The following CACUL1 variants were observed in gnomAD, a reference collection of about 807,000 sequenced individuals.
CACUL1 encodes CDK2-associated and cullin domain-containing protein 1.
A neutral mutation model predicts 45.2 loss-of-function variants in CACUL1; 13 were observed. The observed-to-expected ratio is 0.29, with a 90% CI of 0.19 to 0.46. CACUL1 has a LOEUF of 0.46. Ranked by LOEUF, CACUL1 falls within the 20% of genes least tolerant of loss-of-function variation. The pLI is 1.00. For synonymous variants in CACUL1, 197 were observed against 174.2 expected (o/e 1.13, Z -1.03); for missense variants, 421 against 471.4 (o/e 0.89, Z 0.99).
chr10:118,709,531 C>T (rs950777911), intron 3 of CACUL1, among the ~76,000 whole-genome samples: 12 of 152,094 alleles, frequency 7.9e-5, no homozygotes, highest in South Asian at 2.1e-4. Context: ...TGTTGGGGGA[C>T]GAGCATGGTA....
chr10:118,754,834 C>G lies in CACUL1; in HGVS notation c.-72G>C. On this transcript the variant is annotated 5_prime_UTR_variant, in exon 1 of 9. Transcript: ENST00000369151. ...GTCTCAACCCCGGGCCAGCGGGCAC[C>G]GCTGCCTCCCCGAGTTACATCGCCG... is the stretch of plus-strand genomic sequence containing the variant. 2 of 1,491,660 alleles carry G rather than the reference C, an allele frequency of 1.3e-6. No individual in the cohort carries two copies. Among genetic ancestry groups the G allele is most frequent in the Non-Finnish European group, 1.8e-6 (2 of 1,122,644 alleles). 92.4% of individuals were successfully genotyped at this position (1,491,660 alleles called of 1,614,324 possible).
At chr10:118,734,911 A>C (rs577584251) in intron 1 of CACUL1, among the ~76,000 whole-genome samples, 15 of 152,270 alleles carry the variant, frequency 9.9e-5, no homozygotes, top group Non-Finnish European at 1.6e-4. Context: ...GCTGATAAAC[A>C]GGAAACCATT....
rs936270577 is a variant in CACUL1 at position 118,754,916 on chromosome 10, G to T, written c.-154C>A. On this transcript the variant is annotated 5_prime_UTR_variant, in exon 1 of 9. Transcript: ENST00000369151. ...CGGTGCGCAGGGTCTCTCGCTCTCC[G>T]CGGGGCCGACTAGCTTGAAGACGCG... 5.5e-6 allele frequency: 6 copies of T among 1,088,818 alleles called. No homozygotes were observed. The highest frequency in any genetic ancestry group is 5.0e-5 in the African/African-American group (3 of 59,938). 67.4% of individuals were successfully genotyped at this position (1,088,818 alleles called of 1,614,324 possible).
chr10:118,753,398 T>C (rs1374765445), intron 1 of CACUL1, among the ~76,000 whole-genome samples: 1 of 152,206 alleles, frequency 6.6e-6, no homozygotes, highest in African/African-American at 2.4e-5. Context: ...ATAAAATTAG[T>C]AGCTAGAAAT....
chr10:118,696,231 G>C (rs1356488748), intron 5 of CACUL1, among the ~76,000 whole-genome samples: 1 of 152,144 alleles, frequency 6.6e-6, no homozygotes, highest in African/African-American at 2.4e-5. Flanking sequence ...ACCACCAGGG[G>C]TGTCCAGTCT....
At chr10:118,737,177 T>C (rs1284833973) in intron 1 of CACUL1, among the ~76,000 whole-genome samples, 2 of 152,232 alleles carry the variant, frequency 1.3e-5, no homozygotes, top group Admixed American at 1.3e-4. Context: ...CAGGTATATT[T>C]TGATTTGCCA....
intron 3 of CACUL1, among the ~76,000 whole-genome samples, chr10:118,717,186 G>T (rs947146682): frequency 6.6e-6 from 1 of 152,172 alleles, no homozygotes; most frequent in South Asian, 2.1e-4. Context: ...CCTCTTCCAA[G>T]AAATGAGAGG....
chr10:118,742,357 A>G (rs911896210), intron 1 of CACUL1, among the ~76,000 whole-genome samples: 3 of 152,250 alleles, frequency 2.0e-5, no homozygotes, highest in Non-Finnish European at 2.9e-5. Context: ...ACAGTTTACA[A>G]TGTGAATACA....
intron 5 of CACUL1, among the ~76,000 whole-genome samples, chr10:118,696,172 T>A (rs965912701): frequency 6.6e-5 from 10 of 152,198 alleles, no homozygotes; most frequent in African/African-American, 2.4e-4. Flanking sequence ...TTCAAGTCTA[T>A]CCTTCCAATT....
chr10:118,677,864 A>T lies in CACUL1; in HGVS notation c.*8264T>A, dbSNP rs903343742. 1 of 152,236 alleles carries T rather than the reference A, an allele frequency of 6.6e-6. No homozygotes were observed. Among genetic ancestry groups the T allele is most frequent in the Non-Finnish European group, 1.5e-5 (1 of 68,042 alleles). The allele number at this position is 152,236 out of a possible 1,614,324, so 9.4% of individuals were successfully genotyped here. A position where few individuals can be genotyped will look rare whatever the true frequency, so the allele number is the denominator to read the frequency against. On this transcript the variant is annotated 3_prime_UTR_variant, in exon 9 of 9. Coordinates refer to ENST00000369151, the MANE Select transcript of CACUL1 (RefSeq NM_153810.5). ...CACATGCACATGAGTTTTTCTAAGT[A>T]TAAATAGTGGGCTATTAAGAGGTGC...
chr10:118,687,552 A>T (rs1359190005), intron 7 of CACUL1, among the ~76,000 whole-genome samples: 1 of 152,190 alleles, frequency 6.6e-6, no homozygotes, highest in Non-Finnish European at 1.5e-5. Context: ...TCCCTACACA[A>T]GTACATGAGC....
intron 3 of CACUL1, among the ~76,000 whole-genome samples, chr10:118,716,604 TC>T (rs1044084802): frequency 9.2e-6 from 1 of 109,198 alleles, no homozygotes; most frequent in Non-Finnish European, 2.3e-5. Context: ...CAACACAACC[TC>T]TTTTTTTTTT....
At chr10:118,700,419 A>G (rs1349949769) in intron 5 of CACUL1, among the ~76,000 whole-genome samples, 1 of 152,104 alleles carries the variant, frequency 6.6e-6, no homozygotes, top group Non-Finnish European at 1.5e-5. Flanking sequence ...AGAGGACTCA[A>G]GAATGGGAAG....
Position 118,752,635 on chromosome 10 carries a change from C to T in CACUL1, c.367+1761G>A, listed in dbSNP as rs184839247. On this transcript the variant is annotated intron_variant, in intron 1 of 8. Transcript: ENST00000369151. ...TATCTGTTTTAGAATCAAGATTTCA[C>T]AAGCCTCATAAAATGAACTTGGTAT... is the stretch of plus-strand genomic sequence containing the variant. Among the ~76,000 whole-genome samples the T allele has an allele frequency of 2.9e-3, 435 of 152,318 alleles. 3 individuals carry two copies. The highest frequency in any genetic ancestry group is 0.01 in the African/African-American group (417 of 41,578).
chr10:118,696,047 CCTTT>C (rs755403415), intron 5 of CACUL1, among the ~76,000 whole-genome samples: 4 of 152,198 alleles, frequency 2.6e-5, no homozygotes, highest in Non-Finnish European at 5.9e-5. Context: ...TCTGTTCATG[CCTTT>C]CTAAAAAGAG....
chr10:118,730,512 G>T, intron 1 of CACUL1, 102 bp from the exon 2 acceptor site: 2 of 1,100,950 alleles, frequency 1.8e-6, no homozygotes, highest in Non-Finnish European at 2.6e-6. Flanking sequence ...TTACTCTTCT[G>T]ATTTTACACT....
intron 1 of CACUL1, among the ~76,000 whole-genome samples, chr10:118,737,034 A>T (rs2119656931): frequency 6.6e-6 from 1 of 152,228 alleles, no homozygotes; most frequent in East Asian, 1.9e-4. Context: ...CACAGTGTAC[A>T]AAATCGCCTA....
chr10:118,718,808 C>T (rs558222137), intron 3 of CACUL1, among the ~76,000 whole-genome samples: 138 of 152,264 alleles, frequency 9.1e-4, no homozygotes, highest in Middle Eastern at 6.8e-3. Context: ...CTCCTGACTT[C>T]GTGATCCACC....
chr10:118,723,922 A>G (rs914066223), intron 3 of CACUL1, among the ~76,000 whole-genome samples: 1 of 151,718 alleles, frequency 6.6e-6, no homozygotes, highest in African/African-American at 2.4e-5. Flanking sequence ...CCACCACCAC[A>G]CCCAGGTAAT....
Sources: allele counts gnomAD v4.1 joint callset (sites outside exome capture counted in the v4.1 genomes callset), GRCh38; gene constraint gnomAD v4.1.1; transcripts MANE v1.5; gene names NCBI Gene and HGNC (gene_info 2026-07-23, HGNC 2026-07-21).